USP37: variants seen among roughly 807,000 people sequenced by gnomAD.
USP37 encodes the protein ubiquitin specific peptidase 37, also known as ubiquitin carboxyl-terminal hydrolase 37.
Under a neutral mutation model 124.0 loss-of-function variants are expected in USP37, and 27 were observed. The observed-to-expected ratio is 0.22, with a 90% CI of 0.16 to 0.30. The LOEUF (loss-of-function observed/expected upper bound fraction) is 0.30, where lower values mean the gene tolerates loss of function less well. Among genes scored for constraint, USP37 ranks in the 10% least tolerant of loss-of-function variants. USP37 has a pLI of 1.00. For synonymous variants in USP37, 365 were observed against 388.0 expected (o/e 0.94, Z 0.70); for missense variants, 889 against 1,140.4 (o/e 0.78, Z 3.17).
chr2:218,550,069 G>A (rs1692579649), intron 5 of USP37, among the ~76,000 whole-genome samples, 160 bp from the exon 6 acceptor site: 1 of 151,906 alleles, frequency 6.6e-6, no homozygotes, highest in South Asian at 2.1e-4. Flanking sequence ...CTTTCTGACA[G>A]AATATACATC....
chr2:218,481,588 T>A (rs1204918779), intron 17 of USP37, among the ~76,000 whole-genome samples: 1 of 152,184 alleles, frequency 6.6e-6, no homozygotes, highest in Non-Finnish European at 1.5e-5. Flanking sequence ...ATTTTAAGCA[T>A]TTTCTTCAAT....
intron 10 of USP37, among the ~76,000 whole-genome samples, chr2:218,523,937 T>C (rs1690805506): frequency 6.6e-6 from 1 of 152,200 alleles, no homozygotes; most frequent in African/African-American, 2.4e-5. Context: ...AGTTTCATAA[T>C]TGTAATGTGA....
chr2:218,533,889 A>G (rs1255630826), intron 9 of USP37, among the ~76,000 whole-genome samples: 1 of 152,250 alleles, frequency 6.6e-6, no homozygotes, highest in Non-Finnish European at 1.5e-5. Flanking sequence ...ATCTGACAAA[A>G]ATGTTTTTGT....
At chr2:218,473,520 G>A (rs1380502874) in intron 20 of USP37, among the ~76,000 whole-genome samples, 2 of 152,112 alleles carry the variant, frequency 1.3e-5, no homozygotes. Context: ...ATAATTTCCT[G>A]ATATTCTAGT....
At chr2:218,550,927 A>G (rs2106049374) in intron 5 of USP37, among the ~76,000 whole-genome samples, 1 of 152,166 alleles carries the variant, frequency 6.6e-6, no homozygotes, top group Non-Finnish European at 1.5e-5. Context: ...TGCCAGATAG[A>G]CTGTCTAATT....
At chr2:218,465,866 CT>C (rs564099929) in intron 21 of USP37, 143 bp downstream of exon 21, 47 of 1,106,664 alleles carry the variant, frequency 4.2e-5, no homozygotes, top group Non-Finnish European at 5.1e-5. Flanking sequence ...TCAAACAAGT[CT>C]TTTTTTTCCC....
chr2:218,540,877 T>C (rs778887552), intron 8 of USP37, among the ~76,000 whole-genome samples: 12 of 152,060 alleles, frequency 7.9e-5, no homozygotes, highest in Non-Finnish European at 1.8e-4. Context: ...AGAACAAGGA[T>C]TCCACTTTGC....
intron 14 of USP37, among the ~76,000 whole-genome samples, chr2:218,489,285 G>C (rs1463182610): frequency 6.6e-6 from 1 of 150,424 alleles, no homozygotes; most frequent in Admixed American, 6.6e-5. Context: ...TTGAACCCAG[G>C]AGGCGGAGGT....
intron 20 of USP37, among the ~76,000 whole-genome samples, chr2:218,470,047 C>T (rs1690588319): frequency 6.6e-6 from 1 of 151,996 alleles, no homozygotes; most frequent in South Asian, 2.1e-4. Context: ...GTCTCGATCT[C>T]CTGACCTCGT....
chr2:218,497,896 T>G, intron 12 of USP37, 39 bp from the exon 13 acceptor site: 1 of 1,595,308 alleles, frequency 6.3e-7, no homozygotes, highest in South Asian at 1.1e-5. Flanking sequence ...ACGTTTTACA[T>G]GACATGGCGT....
chr2:218,486,610 G>A (rs955584115), intron 15 of USP37, among the ~76,000 whole-genome samples: 13 of 152,292 alleles, frequency 8.5e-5, no homozygotes, highest in Non-Finnish European at 1.6e-4. Flanking sequence ...TTTAGTAGAA[G>A]CAGGGTTTTG....
At chr2:218,528,841 A>AAAATT in intron 10 of USP37, 1 of 353,342 alleles carries the variant, frequency 2.8e-6, no homozygotes, top group Non-Finnish European at 4.8e-6. Flanking sequence ...AAAAAAAAAA[A>AAAATT]GAGCTTATCT....
intron 10 of USP37, among the ~76,000 whole-genome samples, chr2:218,518,052 C>A (rs2106010999): frequency 6.6e-6 from 1 of 152,062 alleles, no homozygotes; most frequent in African/African-American, 2.4e-5. Flanking sequence ...ACCTCCTGGG[C>A]TTGAGCAATC....
intron 11 of USP37, among the ~76,000 whole-genome samples, chr2:218,499,302 A>AC (rs397716211): frequency 6.6e-5 from 10 of 151,370 alleles, no homozygotes; most frequent in Non-Finnish European, 1.2e-4. Flanking sequence ...ACAAAAAAAA[A>AC]CCTTTTAATT....
At chr2:218,488,898 G>C (rs887597733) in intron 14 of USP37, among the ~76,000 whole-genome samples, 8 of 151,898 alleles carry the variant, frequency 5.3e-5, no homozygotes, top group African/African-American at 1.7e-4. Flanking sequence ...GCCTCCCAAA[G>C]TACTGGGATT....
At chr2:218,505,323 T>C (rs1227028676) in intron 11 of USP37, among the ~76,000 whole-genome samples, 2 of 152,178 alleles carry the variant, frequency 1.3e-5, no homozygotes, top group Non-Finnish European at 2.9e-5. Context: ...CCAGCTGACA[T>C]AATGTTTATA....
At chr2:218,509,809 C>T (rs995795371) in intron 11 of USP37, among the ~76,000 whole-genome samples, 170 bp downstream of exon 11, 1 of 151,976 alleles carries the variant, frequency 6.6e-6, no homozygotes, top group Non-Finnish European at 1.5e-5. Context: ...GTTTGGTGAA[C>T]AGAAAATGAA....
In USP37 at chr2:218,495,878, T is replaced by C. The variant is rs759731630; in HGVS notation, c.1354A>G (p.Lys452Glu). The change falls in exon 14 of 26, where the codon AAG (lysine) becomes GAG (glutamate). Residue 452 changes from lysine (K) to glutamate (E), a missense_variant. Lys to Glu is a moderately conservative substitution (Grantham distance 56, BLOSUM62 1). Transcript: ENST00000258399. ...EDMEKLNKTW[K>E]TEPVSGEENS... Reference sequence around the variant, plus strand: ...TCTTCTCCAGAAACAGGTTCAGTCTTCCAAGTTTTATTTAATTTTTCCATA... The same window carrying C: ...TCTTCTCCAGAAACAGGTTCAGTCTCCCAAGTTTTATTTAATTTTTCCATA... The C allele has an allele frequency of 1.9e-6, 3 of 1,613,946 alleles. No homozygotes were observed. The East Asian group carries it at 6.7e-5, about 36-fold the overall frequency.
At chr2:218,549,996 T>C in intron 5 of USP37, 87 bp from the exon 6 acceptor site, 2 of 1,010,414 alleles carry the variant, frequency 2.0e-6, no homozygotes, top group Non-Finnish European at 2.8e-6. Context: ...TTATATAATA[T>C]TGAAGAAATG....
Sources: gnomAD v4.1 joint callset for allele counts (sites outside exome capture counted in the v4.1 genomes callset) on GRCh38, gnomAD v4.1.1 for gene constraint, MANE v1.5 for transcripts, NCBI Gene and HGNC (gene_info 2026-07-23, HGNC 2026-07-21) for gene names.